RBFOX1: variants seen among roughly 807,000 people sequenced by gnomAD.
The protein encoded by RBFOX1 is RNA binding protein fox-1 homolog 1.
In RBFOX1, 8 loss-of-function variants were observed where a neutral mutation model predicts 57.7. The ratio of observed to expected loss-of-function variants is 0.14; its 90% confidence interval spans 0.08 to 0.25. The LOEUF (loss-of-function observed/expected upper bound fraction) is 0.25. Among genes scored for constraint, RBFOX1 ranks in the 10% least tolerant of loss-of-function variants. The pLI is 1.00. For synonymous variants in RBFOX1, 326 were observed against 222.4 expected (o/e 1.47, Z -4.15); for missense variants, 611 against 548.5 (o/e 1.11, Z -1.14).
intron 2 of RBFOX1, among the ~76,000 whole-genome samples, chr16:6,586,164 A>C (rs544455108): frequency 5.9e-5 from 9 of 152,324 alleles, no homozygotes; most frequent in African/African-American, 2.2e-4. Flanking sequence ...GAGGTCCAGA[A>C]GGCAGCCGTA....
intron 2 of RBFOX1, among the ~76,000 whole-genome samples, chr16:6,434,171 C>T (rs769005908): frequency 2.0e-5 from 3 of 152,136 alleles, no homozygotes; most frequent in Non-Finnish European, 4.4e-5. Flanking sequence ...CTTGTGATAA[C>T]ATAAGACACA....
intron 2 of RBFOX1, among the ~76,000 whole-genome samples, chr16:6,437,610 G>T (rs1409889177): frequency 6.6e-6 from 1 of 152,192 alleles, no homozygotes; most frequent in Admixed American, 6.5e-5. Context: ...ACCTGAGACT[G>T]TGTAATTTAT....
At chr16:6,598,498 G>C (rs17140692) in intron 2 of RBFOX1, among the ~76,000 whole-genome samples, 2 of 152,260 alleles carry the variant, frequency 1.3e-5, no homozygotes, top group East Asian at 3.9e-4. Flanking sequence ...TAAAGAGGAC[G>C]TCAGACCGAT....
intron 1 of RBFOX1, among the ~76,000 whole-genome samples, chr16:6,270,460 C>CAA (rs60224616): frequency 4.4e-5 from 5 of 114,576 alleles, no homozygotes; most frequent in East Asian, 3.2e-4. Flanking sequence ...GATTTAAGAG[C>CAA]AAAAAAAAAA....
intron 2 of RBFOX1, among the ~76,000 whole-genome samples, chr16:6,387,519 G>T (rs374245265): frequency 7.3e-5 from 11 of 150,024 alleles, no homozygotes; most frequent in African/African-American, 2.7e-4. Context: ...AAAAAATGAA[G>T]CCATTAGCGT....
chr16:6,771,235 C>G (rs148616286), intron 3 of RBFOX1, among the ~76,000 whole-genome samples: 38 of 152,248 alleles, frequency 2.5e-4, no homozygotes, highest in African/African-American at 8.4e-4. Context: ...GAACTTCTAC[C>G]CTCCAGAATT....
At chr16:7,548,258 G>C (rs944965851) in intron 5 of RBFOX1, among the ~76,000 whole-genome samples, 3 of 152,128 alleles carry the variant, frequency 2.0e-5, no homozygotes, top group Admixed American at 1.3e-4. Flanking sequence ...TGCAATCTCT[G>C]ACTCCTGGGT....
chr16:7,162,354 C>G (rs907757406), intron 4 of RBFOX1, among the ~76,000 whole-genome samples: 1 of 151,942 alleles, frequency 6.6e-6, no homozygotes, highest in Non-Finnish European at 1.5e-5. Context: ...AATATATTTG[C>G]TCATTTAATA....
At chr16:7,089,175 C>T (rs913963728) in intron 4 of RBFOX1, among the ~76,000 whole-genome samples, 1 of 152,140 alleles carries the variant, frequency 6.6e-6, no homozygotes, top group African/African-American at 2.4e-5. Flanking sequence ...TGAATTCTGG[C>T]AGCTGGAGAC....
At chr16:7,428,417 C>G (rs1232345214) in intron 4 of RBFOX1, among the ~76,000 whole-genome samples, 1 of 145,136 alleles carries the variant, frequency 6.9e-6, no homozygotes, top group Non-Finnish European at 1.5e-5. Context: ...ACTTTTGCCT[C>G]CTGGGTTCTA....
intron 4 of RBFOX1, among the ~76,000 whole-genome samples, chr16:7,191,916 G>A (rs563591936): frequency 2.0e-5 from 3 of 152,312 alleles, no homozygotes; most frequent in East Asian, 3.9e-4. Flanking sequence ...TTCTATAATA[G>A]GAACATCATT....
At chr16:7,212,538 T>G (rs1183683722) in intron 4 of RBFOX1, among the ~76,000 whole-genome samples, 2 of 152,094 alleles carry the variant, frequency 1.3e-5, no homozygotes, top group African/African-American at 4.8e-5. Context: ...AATAATGGGA[T>G]CAGTCCTGGG....
intron 4 of RBFOX1, among the ~76,000 whole-genome samples, chr16:7,140,157 C>CTCTCTCTCTCTCTCTCT (rs2073295791): frequency 7.1e-5 from 5 of 70,868 alleles, no homozygotes; most frequent in African/African-American, 2.4e-4. Context: ...TCCTTCTCTC[C>CTCTCTCTCTCTCTCTCT]CTCTCTCTCT....
In RBFOX1 at chr16:5,686,158, A is replaced by G. The variant is rs569708823; in HGVS notation, c.318+87197A>G. ...TGTTACTTGTGTGAATTTTTACTCAATGTACCAAGCAACATGGAATGTAGA... is the reference window on the plus strand; with the variant it reads ...TGTTACTTGTGTGAATTTTTACTCAGTGTACCAAGCAACATGGAATGTAGA... On this transcript the variant is annotated intron_variant, in intron 3 of 19. Transcript: ENST00000641259. Among the ~76,000 whole-genome samples the G allele has an allele frequency of 2.6e-4, 39 of 152,286 alleles. 1 individual carries two copies. Among genetic ancestry groups the G allele is most frequent in the African/African-American group, 8.4e-4 (35 of 41,566 alleles).
chr16:6,291,066 A>G (rs564535145), intron 1 of RBFOX1, among the ~76,000 whole-genome samples: 26 of 152,264 alleles, frequency 1.7e-4, no homozygotes, highest in Admixed American at 1.0e-3. Context: ...TGATGTTGCC[A>G]TGGCATCTGT....
chr16:6,505,414 A>T (rs17442664), intron 2 of RBFOX1, among the ~76,000 whole-genome samples: 9,096 of 152,306 alleles, frequency 0.06, 424 homozygotes, highest in Non-Finnish European at 0.093. Context: ...ATATTTGGAA[A>T]CAAAATGCTC....
At chr16:5,777,430 G>A (rs1055361676) in intron 3 of RBFOX1, among the ~76,000 whole-genome samples, 4 of 152,164 alleles carry the variant, frequency 2.6e-5, no homozygotes, top group Non-Finnish European at 5.9e-5. Context: ...GCTATAGAAG[G>A]CACATATTCA....
chr16:7,668,200 C>G (rs549182983), intron 13 of RBFOX1, among the ~76,000 whole-genome samples: 2 of 152,244 alleles, frequency 1.3e-5, no homozygotes, highest in African/African-American at 4.8e-5. Flanking sequence ...CAAGGTCTTT[C>G]CATGCCTACC....
chr16:5,651,567 G>A (rs993661182), intron 3 of RBFOX1, among the ~76,000 whole-genome samples: 5 of 151,978 alleles, frequency 3.3e-5, no homozygotes, highest in Non-Finnish European at 5.9e-5. Context: ...CATTTTTTCG[G>A]GGGAAATGAG....
Sources: gnomAD v4.1 joint callset for allele counts (sites outside exome capture counted in the v4.1 genomes callset) on GRCh38, gnomAD v4.1.1 for gene constraint, MANE v1.5 for transcripts, NCBI Gene and HGNC (gene_info 2026-07-23, HGNC 2026-07-21) for gene names.